TDP1: variants seen among roughly 807,000 people sequenced by gnomAD.
TDP1 encodes the protein tyrosyl-DNA phosphodiesterase 1.
A neutral mutation model predicts 81.5 loss-of-function variants in TDP1; 64 were observed. The observed-to-expected ratio is 0.79, with a 90% CI of 0.64 to 0.97. TDP1 has a LOEUF of 0.97. Among genes scored for constraint, TDP1 ranks in the 50% least tolerant of loss-of-function variants. The pLI is 0.00. For synonymous variants in TDP1, 256 were observed against 264.3 expected, an observed-to-expected ratio of 0.97 and a Z score of 0.30; for missense variants, 723 against 743.8, an observed-to-expected ratio of 0.97 and a Z score of 0.33.
At chr14:89,974,533 C>T (rs972413384) in intron 6 of TDP1, among the ~76,000 whole-genome samples, 1 of 152,158 alleles carries the variant, frequency 6.6e-6, no homozygotes, top group Non-Finnish European at 1.5e-5. Flanking sequence ...TCCAGTCGCC[C>T]ATTACTGCCC....
Position 90,044,644 on chromosome 14 carries a change from AACAG to A in TDP1, c.*1506_*1509del, listed in dbSNP as rs1246865627. 7.2e-5 allele frequency: 11 copies of A among 152,402 alleles called. No homozygotes were observed. Among genetic ancestry groups the A allele is most frequent in the African/African-American group, 2.6e-4 (11 of 41,572 alleles). 9.4% of individuals were successfully genotyped at this position (152,402 alleles called of 1,614,324 possible). On this transcript the variant is annotated 3_prime_UTR_variant, in exon 17 of 17. Transcript: ENST00000335725. The stretch of plus-strand genomic sequence containing the variant: ...AGGGCTGCAGGGCCTCCCACCTTCC[AACAG>A]ACAGGCTCTGCTGTATCTGTTGTAC...
In TDP1 at chr14:90,043,403, G is replaced by C. The variant is rs961153088; in HGVS notation, c.*260G>C. On this transcript the variant is annotated 3_prime_UTR_variant, in exon 17 of 17. Transcript: ENST00000335725. ...CTTCTCTATGTTAAAAATACGTACT[G>C]CTTGAGTATCCCCTGTCTGAAATGC... 2 of 553,534 alleles carry C rather than the reference G, an allele frequency of 3.6e-6. No homozygotes were observed. Among genetic ancestry groups the C allele is most frequent in the Non-Finnish European group, 6.4e-6 (2 of 310,276 alleles). 34.3% of individuals were successfully genotyped at this position (553,534 alleles called of 1,614,324 possible).
intron 15 of TDP1, among the ~76,000 whole-genome samples, chr14:90,032,104 TAA>T (rs1451405293): frequency 6.6e-6 from 1 of 152,112 alleles, no homozygotes; most frequent in African/African-American, 2.4e-5. Context: ...ACTCGAGAAA[TAA>T]AGTGTCGAAT....
chr14:89,995,478 T>G (rs1896583607), intron 14 of TDP1, among the ~76,000 whole-genome samples: 1 of 152,210 alleles, frequency 6.6e-6, no homozygotes, highest in African/African-American at 2.4e-5. Flanking sequence ...AGGCTTTACT[T>G]TGATTGCTGT....
At chr14:90,014,627 C>T (rs888067892) in intron 14 of TDP1, among the ~76,000 whole-genome samples, 5 of 152,188 alleles carry the variant, frequency 3.3e-5, no homozygotes, top group Non-Finnish European at 7.3e-5. Flanking sequence ...GTCTCATTGT[C>T]TCTGTACTCT....
intron 6 of TDP1, among the ~76,000 whole-genome samples, chr14:89,972,805 G>A (rs554520316): frequency 5.3e-5 from 8 of 152,266 alleles, no homozygotes; most frequent in African/African-American, 1.2e-4. Context: ...GAGAAAACAC[G>A]AAAGATGCTT....
At position 89,984,593 on chromosome 14, in the gene TDP1, C is replaced by G. The variant is rs1895349424; in HGVS notation, c.962C>G (p.Ala321Gly). Residue 321 changes from alanine (A) to glycine (G), a missense_variant, in exon 9 of 17, where the codon GCT becomes GGT. Ala to Gly is a moderately conservative substitution (Grantham distance 60). Coordinates refer to ENST00000335725, the MANE Select transcript of TDP1 (RefSeq NM_018319.4). ...GGAGAGTCGCCAACACATTTTAAAG[C>G]TGATCTCATCAGTTACTTGATGGCT... is the stretch of plus-strand genomic sequence containing the variant. ...KSGESPTHFKADLISYLMAYN... is the reference protein window; with the variant it reads ...KSGESPTHFKGDLISYLMAYN... 6.2e-7 allele frequency: 1 copy of G among 1,614,132 alleles called. No individual in the cohort carries two copies. Among genetic ancestry groups the G allele is most frequent in the Non-Finnish European group, 8.5e-7 (1 of 1,180,010 alleles).
intron 10 of TDP1, 50 bp from the exon 11 acceptor site, chr14:89,988,855 C>A: frequency 6.2e-7 from 1 of 1,612,452 alleles, no homozygotes; most frequent in South Asian, 1.1e-5. Context: ...TGCAGCATTT[C>A]TGTTAAGATT....
rs763165966 is a variant in TDP1, at chr14:90,019,429, A to G, written c.1644+11A>G. 1.4e-6 allele frequency: 2 copies of G among 1,415,270 alleles called. No homozygotes were observed. The highest frequency in any genetic ancestry group is 2.3e-5 in the South Asian group (2 of 86,892). The allele number at this position is 1,415,270 out of a possible 1,614,324, so 87.7% of individuals were successfully genotyped here. On this transcript the variant is annotated intron_variant, in intron 15 of 16. Coordinates refer to ENST00000335725, the MANE Select transcript of TDP1 (RefSeq NM_018319.4). ...CTCCCTTCAGCATTTGTAAGTTTAC[A>G]CTTCCAACTGCACAGTGGGTCACAT...
At chr14:89,962,206 T>G (rs1892409014) in intron 2 of TDP1, among the ~76,000 whole-genome samples, 1 of 152,174 alleles carries the variant, frequency 6.6e-6, no homozygotes, top group South Asian at 2.1e-4. Context: ...TATCTTGATA[T>G]AATTATATCC....
chr14:89,963,032 A>G, intron 2 of TDP1, 76 bp from the exon 3 acceptor site: 1 of 1,608,662 alleles, frequency 6.2e-7, no homozygotes, highest in South Asian at 1.1e-5. Flanking sequence ...CTGACAGGGA[A>G]GTTGAGAGCA....
At chr14:90,007,194 C>T (rs1884130564) in intron 14 of TDP1, among the ~76,000 whole-genome samples, 1 of 152,292 alleles carries the variant, frequency 6.6e-6, no homozygotes, top group South Asian at 2.1e-4. Flanking sequence ...AGTTATTTCA[C>T]TGATGCCTTC....
At chr14:89,972,418 A>T (rs1446181886) in intron 6 of TDP1, among the ~76,000 whole-genome samples, 4 of 152,186 alleles carry the variant, frequency 2.6e-5, no homozygotes, top group Admixed American at 2.6e-4. Context: ...CTCCTCCAAC[A>T]TTGGGGATTA....
At position 89,998,615 on chromosome 14, in the gene TDP1, C is replaced by T. The variant is rs957949160; in HGVS notation, c.1541+5132C>T. On this transcript the variant is annotated intron_variant, in intron 14 of 16. Transcript: ENST00000335725. ...CACTGTCCTGTAGGGTGTGAGTGCT[C>T]GGGTTGGGGAGGGAGGCTGCTCCTT... Among the ~76,000 whole-genome samples, 6 of 151,110 alleles carry T rather than the reference C, an allele frequency of 4.0e-5. No homozygotes were observed. The East Asian group carries it at 7.8e-4, about 20-fold the overall frequency.
chr14:89,967,765 C>T (rs1336435770), intron 5 of TDP1, among the ~76,000 whole-genome samples: 1 of 152,214 alleles, frequency 6.6e-6, no homozygotes, highest in Non-Finnish European at 1.5e-5. Context: ...ATGCCGCCAA[C>T]GTGCCATGCT....
At chr14:89,967,000 T>G (rs1468034230) in intron 4 of TDP1, 1 of 985,092 alleles carries the variant, frequency 1.0e-6, no homozygotes, top group African/African-American at 1.7e-5. Flanking sequence ...GTATCTGTCT[T>G]TTTATAATCA....
intron 5 of TDP1, among the ~76,000 whole-genome samples, chr14:89,968,449 A>G (rs1015174175): frequency 6.6e-6 from 1 of 152,156 alleles, no homozygotes; most frequent in African/African-American, 2.4e-5. Flanking sequence ...CAGGAAGGGG[A>G]AAGGAGGAAA....
intron 14 of TDP1, among the ~76,000 whole-genome samples, chr14:90,011,146 T>C (rs894778451): frequency 1.3e-5 from 2 of 152,188 alleles, no homozygotes; most frequent in African/African-American, 4.8e-5. Context: ...ATGCCTTTGC[T>C]CCTCCTTCGC....
chr14:89,984,067 G>T, intron 8 of TDP1: 4 of 960,930 alleles, frequency 4.2e-6, no homozygotes, highest in Non-Finnish European at 5.0e-6. Flanking sequence ...TTCACATTTG[G>T]CTGAAGAGCT....
Sources: gnomAD v4.1 joint callset for allele counts (sites outside exome capture counted in the v4.1 genomes callset) on GRCh38, gnomAD v4.1.1 for gene constraint, MANE v1.5 for transcripts, NCBI Gene and HGNC (gene_info 2026-07-23, HGNC 2026-07-21) for gene names.